The following DCC variants were observed in gnomAD, a reference collection of about 807,000 sequenced individuals.
The protein encoded by DCC is DCC netrin 1 receptor.
A neutral mutation model predicts 172.5 loss-of-function variants in DCC; 58 were observed. That is an observed-to-expected ratio of 0.34 (90% CI 0.27 to 0.42). The LOEUF is 0.42. Ranked by LOEUF, DCC falls within the 10% of genes least tolerant of loss-of-function variation. The probability of loss-of-function intolerance (pLI) is 1.00; values close to 1 mark genes in which losing one functional copy is unlikely to be tolerated. For missense variants in DCC, 1,740 were observed against 1,791.0 expected (o/e 0.97, Z 0.51); for synonymous variants, 709 against 644.5 (o/e 1.10, Z -1.52).
At chr18:53,025,918 A>G (rs1257021931) in intron 5 of DCC, among the ~76,000 whole-genome samples, 1 of 151,850 alleles carries the variant, frequency 6.6e-6, no homozygotes, top group African/African-American at 2.4e-5. Flanking sequence ...AATATAATTT[A>G]TTTTTTATTT....
intron 1 of DCC, among the ~76,000 whole-genome samples, chr18:52,698,950 A>G (rs1474720876): frequency 6.6e-6 from 1 of 152,074 alleles, no homozygotes; most frequent in African/African-American, 2.4e-5. Context: ...TGGCATAGGA[A>G]AGGTAGTGGC....
In DCC at chr18:53,387,737, G is replaced by A. The variant is rs150143205; in HGVS notation, c.2455+1599G>A. Among the ~76,000 whole-genome samples the A allele has an allele frequency of 7.2e-3, 1,098 of 152,246 alleles. 16 individuals carry two copies. Among genetic ancestry groups the A allele is most frequent in the Admixed American group, 0.026 (399 of 15,282 alleles). ...TAATTTTCCTTTAGTGACCATCTCT[G>A]TCCTGCCTATGGTAAAAGATCCCCA... On this transcript the variant is annotated intron_variant, in intron 16 of 28. Coordinates refer to ENST00000442544, the MANE Select transcript of DCC (RefSeq NM_005215.4).
chr18:53,212,221 A>C (rs908738060), intron 11 of DCC, among the ~76,000 whole-genome samples: 14 of 152,236 alleles, frequency 9.2e-5, no homozygotes, highest in African/African-American at 3.4e-4. Context: ...ATCCTTCTCC[A>C]TATTGAGGGA....
chr18:52,744,643 T>C (rs1342004483), intron 1 of DCC, among the ~76,000 whole-genome samples: 1 of 152,168 alleles, frequency 6.6e-6, no homozygotes, highest in Non-Finnish European at 1.5e-5. Flanking sequence ...GAAACCCCAA[T>C]AGTCATAGGT....
intron 1 of DCC, among the ~76,000 whole-genome samples, chr18:52,690,774 C>T (rs1334630865): frequency 1.3e-5 from 2 of 152,006 alleles, no homozygotes; most frequent in African/African-American, 2.4e-5. Context: ...AAAAACCATG[C>T]TAGAAGAGGT....
At chr18:52,926,955 CTATA>C (rs1259400110) in intron 5 of DCC, among the ~76,000 whole-genome samples, 2 of 138,018 alleles carry the variant, frequency 1.4e-5, no homozygotes, top group African/African-American at 5.3e-5. Context: ...GATATATACA[CTATA>C]TATGGATATA....
chr18:53,155,764 C>T (rs193225804), intron 7 of DCC, among the ~76,000 whole-genome samples: 62 of 152,332 alleles, frequency 4.1e-4, no homozygotes, highest in East Asian at 1.5e-3. Context: ...AGGTGGCTCA[C>T]GCCAGTAATC....
chr18:52,755,088 A>G (rs1461842557), intron 2 of DCC, among the ~76,000 whole-genome samples: 1 of 152,202 alleles, frequency 6.6e-6, no homozygotes, highest in Non-Finnish European at 1.5e-5. Context: ...AGATTTGGTA[A>G]AAGCAGCTTT....
chr18:52,875,230 T>A (rs80072837), intron 2 of DCC, among the ~76,000 whole-genome samples: 1 of 34,956 alleles, frequency 2.9e-5, no homozygotes. Flanking sequence ...ACAGCGAAAC[T>A]TTTTTTTTTT....
At chr18:53,241,184 G>A (rs996673861) in intron 12 of DCC, among the ~76,000 whole-genome samples, 1 of 152,114 alleles carries the variant, frequency 6.6e-6, no homozygotes, top group African/African-American at 2.4e-5. Flanking sequence ...CTAAAGGTGG[G>A]GCTTGAGAAG....
chr18:52,651,936 G>A (rs1489736226), intron 1 of DCC, among the ~76,000 whole-genome samples: 1 of 152,130 alleles, frequency 6.6e-6, no homozygotes, highest in African/African-American at 2.4e-5. Flanking sequence ...TCAAAGAAAG[G>A]AGTATAAAAA....
At chr18:52,935,572 CTTTAAT>C (rs544021004) in intron 5 of DCC, among the ~76,000 whole-genome samples, 64 of 151,956 alleles carry the variant, frequency 4.2e-4, no homozygotes, top group Non-Finnish European at 7.5e-4. Flanking sequence ...TTTGCATAGG[CTTTAAT>C]TTTATTTTTT....
At chr18:52,541,535 G>A (rs1026172247) in intron 1 of DCC, among the ~76,000 whole-genome samples, 2 of 152,054 alleles carry the variant, frequency 1.3e-5, no homozygotes, top group Admixed American at 1.3e-4. Context: ...AAAGTCATTT[G>A]GGTGCTTATT....
intron 14 of DCC, among the ~76,000 whole-genome samples, chr18:53,327,497 T>A (rs2057479568): frequency 6.6e-6 from 1 of 151,762 alleles, no homozygotes. Context: ...CTATACGCTA[T>A]CAATAATCAT....
At chr18:53,174,291 C>A (rs1346115049) in intron 8 of DCC, among the ~76,000 whole-genome samples, 1 of 145,692 alleles carries the variant, frequency 6.9e-6, no homozygotes, top group Non-Finnish European at 1.5e-5. Flanking sequence ...AGAGCAAACA[C>A]ATTCAAAAGC....
At chr18:52,477,715 T>C (rs754128723) in intron 1 of DCC, among the ~76,000 whole-genome samples, 14 of 152,150 alleles carry the variant, frequency 9.2e-5, no homozygotes, top group Non-Finnish European at 2.1e-4. Context: ...AGATCACAGG[T>C]TCTATTGAGC....
chr18:53,070,971 C>T (rs1358027475), intron 7 of DCC, among the ~76,000 whole-genome samples: 6 of 152,142 alleles, frequency 3.9e-5, no homozygotes, highest in African/African-American at 1.4e-4. Flanking sequence ...GAACATAGCC[C>T]TCTCTGTTTA....
At chr18:52,721,883 G>A (rs1303747261) in intron 1 of DCC, among the ~76,000 whole-genome samples, 1 of 152,090 alleles carries the variant, frequency 6.6e-6, no homozygotes, top group African/African-American at 2.4e-5. Flanking sequence ...AGATTAGCCG[G>A]GCATGGTGGC....
chr18:52,350,954 A>G (rs1984093691), intron 1 of DCC, among the ~76,000 whole-genome samples: 1 of 152,200 alleles, frequency 6.6e-6, no homozygotes, highest in African/African-American at 2.4e-5. Flanking sequence ...TTTAGCTTAC[A>G]GCCCAGTGAG....
Sources: gnomAD v4.1 joint callset for allele counts (sites outside exome capture counted in the v4.1 genomes callset) on GRCh38, gnomAD v4.1.1 for gene constraint, MANE v1.5 for transcripts, NCBI Gene and HGNC (gene_info 2026-07-23, HGNC 2026-07-21) for gene names.